IRF2: variants seen among roughly 807,000 people sequenced by gnomAD.
IRF2 encodes interferon regulatory factor 2.
A neutral mutation model predicts 40.6 loss-of-function variants in IRF2; 15 were observed. That is an observed-to-expected ratio of 0.37 (90% CI 0.25 to 0.57). The LOEUF (loss-of-function observed/expected upper bound fraction) is 0.57, where lower values mean the gene tolerates loss of function less well. Among genes scored for constraint, IRF2 ranks in the 20% least tolerant of loss-of-function variants. The probability of loss-of-function intolerance (pLI) is 0.77; values close to 1 mark genes in which losing one functional copy is unlikely to be tolerated. For synonymous variants in IRF2, 151 were observed against 165.5 expected (o/e 0.91, Z 0.67); for missense variants, 317 against 455.7 (o/e 0.70, Z 2.77).
At chr4:184,445,654 C>CAA (rs386683242) in intron 1 of IRF2, among the ~76,000 whole-genome samples, 52,452 of 120,374 alleles carry the variant, frequency 0.44, 12,557 homozygotes, top group Middle Eastern at 0.59. Flanking sequence ...GACTCCATCA[C>CAA]AAAAAAAAAA....
At position 184,411,966 on chromosome 4, in the gene IRF2, C is replaced by T. The variant is rs575520562; in HGVS notation, c.412-3691G>A. Among the ~76,000 whole-genome samples the T allele has an allele frequency of 3.2e-4, 44 of 137,794 alleles. 1 individual carries two copies. The South Asian group carries it at 7.3e-3, about 23-fold the overall frequency. 90.4% of individuals were successfully genotyped at this position (137,794 alleles called of 152,430 possible). A position where few individuals can be genotyped will look rare whatever the true frequency, so the allele number is the denominator to read the frequency against. ...CTTCTGTAAATCAAGTAACCCATAG[C>T]TTTCTTGGCTTTTAATTTTCTCCCC... On this transcript the variant is annotated intron_variant, in intron 5 of 8. Coordinates refer to ENST00000393593, the MANE Select transcript of IRF2 (RefSeq NM_002199.4).
intron 1 of IRF2, chr4:184,473,869 G>A (rs1297397051): frequency 6.6e-6 from 1 of 151,948 alleles, no homozygotes; most frequent in Non-Finnish European, 1.5e-5. Flanking sequence ...CCCTCCTTCG[G>A]ATCCGGTGGC....
chr4:184,471,261 T>C (rs1230783268), intron 1 of IRF2, among the ~76,000 whole-genome samples: 1 of 152,242 alleles, frequency 6.6e-6, no homozygotes, highest in Non-Finnish European at 1.5e-5. Context: ...AAATTATTAT[T>C]ATCCTCCTTA....
intron 2 of IRF2, among the ~76,000 whole-genome samples, chr4:184,424,454 TCA>T (rs1737596635): frequency 1.3e-5 from 2 of 152,162 alleles, no homozygotes; most frequent in African/African-American, 4.8e-5. Context: ...GGCCCTGCCC[TCA>T]TGAATGGATT....
chr4:184,397,659 C>G (rs534125531), intron 7 of IRF2, among the ~76,000 whole-genome samples: 4 of 152,274 alleles, frequency 2.6e-5, no homozygotes, highest in African/African-American at 9.6e-5. Context: ...GGGGTGGCAC[C>G]TACTGGAGGA....
intron 1 of IRF2, among the ~76,000 whole-genome samples, chr4:184,439,402 T>A (rs376639881): frequency 1.3e-5 from 2 of 151,328 alleles, no homozygotes; most frequent in African/African-American, 4.9e-5. Flanking sequence ...AACCGGGAAT[T>A]TTTTTTATTA....
At chr4:184,443,776 G>T (rs1454999753) in intron 1 of IRF2, among the ~76,000 whole-genome samples, 1 of 152,078 alleles carries the variant, frequency 6.6e-6, no homozygotes, top group Admixed American at 6.5e-5. Flanking sequence ...TTAGTTCTTT[G>T]AGAAATCCAG....
At chr4:184,404,324 C>G (rs2149894988) in intron 6 of IRF2, among the ~76,000 whole-genome samples, 2 of 152,276 alleles carry the variant, frequency 1.3e-5, no homozygotes, top group Middle Eastern at 6.8e-3. Flanking sequence ...AACTTCACAC[C>G]AGCCTTGATG....
intron 1 of IRF2, among the ~76,000 whole-genome samples, chr4:184,439,476 C>T (rs1738217328): frequency 6.6e-6 from 1 of 151,806 alleles, no homozygotes; most frequent in Non-Finnish European, 1.5e-5. Context: ...TCCATTAACC[C>T]AATGGACTTC....
intron 1 of IRF2, among the ~76,000 whole-genome samples, chr4:184,447,833 T>C (rs1738568968): frequency 6.6e-6 from 1 of 152,220 alleles, no homozygotes; most frequent in Non-Finnish European, 1.5e-5. Context: ...CAAGGAATAA[T>C]GAAGGAGGCA....
At chr4:184,398,655 C>CAAAAAA (rs755314172) in intron 7 of IRF2, among the ~76,000 whole-genome samples, 1 of 146,916 alleles carries the variant, frequency 6.8e-6, no homozygotes, top group Non-Finnish European at 1.5e-5. Flanking sequence ...GACTCTGTCT[C>CAAAAAA]AAAAAAAAAA....
At chr4:184,399,442 C>T (rs555971077) in intron 6 of IRF2, among the ~76,000 whole-genome samples, 5 of 152,326 alleles carry the variant, frequency 3.3e-5, no homozygotes, top group African/African-American at 9.6e-5. Context: ...GTACTTTGAA[C>T]CTGACCGATT....
At chr4:184,418,980 T>G (rs1737380326) in intron 3 of IRF2, among the ~76,000 whole-genome samples, 1 of 152,160 alleles carries the variant, frequency 6.6e-6, no homozygotes, top group South Asian at 2.1e-4. Context: ...CTATAAATGC[T>G]GGAAGAATGG....
intron 5 of IRF2, among the ~76,000 whole-genome samples, chr4:184,416,156 AT>A (rs1298608882): frequency 6.6e-6 from 1 of 151,888 alleles, no homozygotes; most frequent in South Asian, 2.1e-4. Context: ...ATAAAAGAAA[AT>A]TTTTTTAAAT....
intron 1 of IRF2, among the ~76,000 whole-genome samples, chr4:184,460,516 A>G (rs1579113193): frequency 6.6e-6 from 1 of 152,218 alleles, no homozygotes; most frequent in Admixed American, 6.5e-5. Flanking sequence ...ATGCTTCAAC[A>G]TGCATTTATG....
At chr4:184,426,375 C>T (rs898246245) in intron 2 of IRF2, among the ~76,000 whole-genome samples, 8 of 152,146 alleles carry the variant, frequency 5.3e-5, no homozygotes, top group African/African-American at 1.9e-4. Flanking sequence ...CTTGGAGTCC[C>T]TCGGCTGCGG....
intron 1 of IRF2, among the ~76,000 whole-genome samples, chr4:184,444,444 A>G (rs1432388963): frequency 1.3e-5 from 2 of 152,180 alleles, no homozygotes; most frequent in Non-Finnish European, 2.9e-5. Flanking sequence ...GTAAAATGGG[A>G]TAACTTCCGC....
At chr4:184,456,575 G>A (rs1433954493) in intron 1 of IRF2, among the ~76,000 whole-genome samples, 2 of 152,350 alleles carry the variant, frequency 1.3e-5, no homozygotes, top group African/African-American at 4.8e-5. Context: ...CTGAGCGGAG[G>A]AAACCCCTCG....
rs139073281 is a variant in IRF2 at position 184,470,189 on chromosome 4, G to A, written c.-7+4190C>T. Among the ~76,000 whole-genome samples the A allele has an allele frequency of 9.3e-3, 1,417 of 152,270 alleles. 14 individuals carry two copies. The highest frequency in any genetic ancestry group is 0.016 in the Non-Finnish European group (1,121 of 68,038). ...ACCCCTGTGCAGGAAGGAACATCATGTCTCATACAGATGAAAAGAAGAACT... is the reference window on the plus strand; with the variant it reads ...ACCCCTGTGCAGGAAGGAACATCATATCTCATACAGATGAAAAGAAGAACT... On this transcript the variant is annotated intron_variant, in intron 1 of 8. Coordinates refer to ENST00000393593, the MANE Select transcript of IRF2 (RefSeq NM_002199.4).
Sources: gnomAD v4.1 joint callset for allele counts (sites outside exome capture counted in the v4.1 genomes callset) on GRCh38, gnomAD v4.1.1 for gene constraint, MANE v1.5 for transcripts, NCBI Gene and HGNC (gene_info 2026-07-23, HGNC 2026-07-21) for gene names.